SGCD: variants seen among roughly 807,000 people sequenced by gnomAD.
SGCD encodes the protein delta-sarcoglycan.
A neutral mutation model predicts 36.6 loss-of-function variants in SGCD; 18 were observed. The observed-to-expected ratio is 0.49, with a 90% confidence interval of 0.34 to 0.73. SGCD has a LOEUF of 0.73. Ranked by LOEUF, SGCD falls within the 30% of genes least tolerant of loss-of-function variation. The probability of loss-of-function intolerance (pLI) is 0.01; values close to 1 mark genes in which losing one functional copy is unlikely to be tolerated. For synonymous variants in SGCD, 133 were observed against 130.6 expected, an observed-to-expected ratio of 1.02 and a Z score of -0.12; for missense variants, 387 against 346.7, an observed-to-expected ratio of 1.12 and a Z score of -0.92.
chr5:156,589,172 A>G, intron 4 of SGCD, 59 bp from the exon 5 acceptor site: 3 of 1,250,958 alleles, frequency 2.4e-6, no homozygotes, highest in Non-Finnish European at 2.3e-6. Flanking sequence ...TTGTAATGAC[A>G]GTTCTTTTTG....
chr5:156,218,479 A>C (rs928061245), intron 3 of SGCD, among the ~76,000 whole-genome samples: 5 of 152,204 alleles, frequency 3.3e-5, no homozygotes, highest in African/African-American at 1.2e-4. Flanking sequence ...CCACATTTTG[A>C]GGCTGAAATT....
intron 6 of SGCD, among the ~76,000 whole-genome samples, chr5:156,645,044 A>C (rs1287534348): frequency 1.3e-5 from 2 of 152,114 alleles, no homozygotes; most frequent in Non-Finnish European, 2.9e-5. Flanking sequence ...ATGCTTTATA[A>C]GTTCCTGATT....
chr5:156,013,781 T>G (rs1328558844), intron 1 of SGCD, among the ~76,000 whole-genome samples: 1 of 152,174 alleles, frequency 6.6e-6, no homozygotes, highest in Non-Finnish European at 1.5e-5. Context: ...TTATTTATGG[T>G]ATTTTTTACA....
At chr5:156,460,714 C>T (rs1754449451) in intron 3 of SGCD, among the ~76,000 whole-genome samples, 1 of 152,046 alleles carries the variant, frequency 6.6e-6, no homozygotes, top group African/African-American at 2.4e-5. Context: ...TCTAGTATAC[C>T]ACAACCCCAG....
intron 1 of SGCD, among the ~76,000 whole-genome samples, chr5:155,951,374 C>T (rs1162054717): frequency 2.6e-5 from 4 of 151,908 alleles, no homozygotes; most frequent in Non-Finnish European, 5.9e-5. Flanking sequence ...TAACTAGACC[C>T]AATGATGTGG....
the SGCD span, among the ~76,000 whole-genome samples, chr5:155,835,857 G>T: frequency 6.6e-6 from 1 of 152,184 alleles, no homozygotes; most frequent in African/African-American, 2.4e-5. Context: ...ATTCAGAGTA[G>T]TGTGATGAAA....
At chr5:156,129,796 C>T (rs1762267120) in intron 3 of SGCD, among the ~76,000 whole-genome samples, 1 of 152,154 alleles carries the variant, frequency 6.6e-6, no homozygotes, top group Non-Finnish European at 1.5e-5. Flanking sequence ...CAGCTTCATC[C>T]ATGTTCCCAC....
intron 3 of SGCD, among the ~76,000 whole-genome samples, chr5:156,469,049 G>T (rs1187731920): frequency 1.3e-5 from 2 of 152,090 alleles, no homozygotes; most frequent in South Asian, 2.1e-4. Context: ...ATGGTGCAAA[G>T]TTCCTGACAT....
At position 156,179,573 on chromosome 5, in the gene SGCD, A is replaced by T. The variant is rs181513606; in HGVS notation, c.-44+55554A>T. Among the ~76,000 whole-genome samples the T allele has an allele frequency of 1.1e-3, 172 of 151,914 alleles. 2 individuals carry two copies. The highest frequency in any genetic ancestry group is 2.0e-3 in the Non-Finnish European group (133 of 67,952). On this transcript the variant is annotated intron_variant, in intron 3 of 9. Coordinates refer to the SGCD transcript ENST00000517913. ...AATTGCCCTCCATATAGATTGTGTA[A>T]TATATTCCCTTCTCCTCACCCCAAT...
At chr5:156,278,194 G>T (rs894746759) in intron 3 of SGCD, among the ~76,000 whole-genome samples, 1 of 152,158 alleles carries the variant, frequency 6.6e-6, no homozygotes, top group Non-Finnish European at 1.5e-5. Context: ...CTGGTATATA[G>T]TGAGCAAGAA....
At chr5:155,901,936 T>G (rs1219369866) in intron 1 of SGCD, among the ~76,000 whole-genome samples, 1 of 152,206 alleles carries the variant, frequency 6.6e-6, no homozygotes, top group Non-Finnish European at 1.5e-5. Context: ...AGTACAGATT[T>G]CTCATTCATA....
chr5:155,970,715 G>A (rs1339065912), intron 1 of SGCD, among the ~76,000 whole-genome samples: 6 of 152,122 alleles, frequency 3.9e-5, no homozygotes, highest in African/African-American at 7.2e-5. Flanking sequence ...TATGTATAAC[G>A]TGTATACATT....
At chr5:156,179,855 C>T (rs1763561869) in intron 3 of SGCD, among the ~76,000 whole-genome samples, 2 of 152,238 alleles carry the variant, frequency 1.3e-5, no homozygotes, top group Admixed American at 1.3e-4. Flanking sequence ...AATTCCTCAC[C>T]TCAAGTGATC....
chr5:155,872,564 G>C (rs1305143867), intron 1 of SGCD, among the ~76,000 whole-genome samples: 1 of 152,168 alleles, frequency 6.6e-6, no homozygotes, highest in African/African-American at 2.4e-5. Flanking sequence ...GAAAGTTAAA[G>C]GATGCTATGC....
At position 156,372,234 on chromosome 5, in the gene SGCD, G is replaced by A. The variant is rs1442262503; in HGVS notation, c.192+27557G>A. On this transcript the variant is annotated intron_variant, in intron 3 of 8. Transcript: ENST00000337851. ...GGCAAGAGGCAGGAAACATATCACT[G>A]AATATTATCTAAGAGGTATGGTATC... 2.0e-5 allele frequency among the ~76,000 whole-genome samples: 3 copies of A among 152,158 alleles called. No individual in the cohort carries two copies. The East Asian group carries it at 5.8e-4, about 29-fold the overall frequency.
intron 1 of SGCD, among the ~76,000 whole-genome samples, chr5:156,089,264 G>A (rs1761180167): frequency 6.6e-6 from 1 of 152,220 alleles, no homozygotes; most frequent in Non-Finnish European, 1.5e-5. Flanking sequence ...TTTGGAGCAA[G>A]GCAACAGGCA....
chr5:155,728,653 C>T, the SGCD span, among the ~76,000 whole-genome samples: 1 of 152,102 alleles, frequency 6.6e-6, no homozygotes, highest in African/African-American at 2.4e-5. Context: ...GGCCCCTATT[C>T]CGTTGGCAAG....
At chr5:156,372,201 A>T (rs536808435) in intron 3 of SGCD, among the ~76,000 whole-genome samples, 2 of 152,354 alleles carry the variant, frequency 1.3e-5, no homozygotes, top group East Asian at 3.9e-4. Context: ...AGCAAAATTA[A>T]AAAACATGGC....
chr5:156,122,785 G>A (rs542215439), intron 2 of SGCD, among the ~76,000 whole-genome samples: 1 of 138,410 alleles, frequency 7.2e-6, no homozygotes, highest in South Asian at 2.4e-4. Context: ...AGAGCCTGCT[G>A]TGCAACCTTG....
Sources: allele counts gnomAD v4.1 joint callset (sites outside exome capture counted in the v4.1 genomes callset), GRCh38; gene constraint gnomAD v4.1.1; transcripts MANE v1.5; gene names NCBI Gene and HGNC (gene_info 2026-07-23, HGNC 2026-07-21).